SLC44A3: variants seen among roughly 807,000 people sequenced by gnomAD.
SLC44A3 encodes the protein choline transporter-like protein 3.
A neutral mutation model predicts 75.4 loss-of-function variants in SLC44A3; 74 were observed. That is an observed-to-expected ratio of 0.98 (90% CI 0.81 to 1.19). The LOEUF (loss-of-function observed/expected upper bound fraction) is 1.19, where lower values mean the gene tolerates loss of function less well. Among genes scored for constraint, SLC44A3 ranks in the 50% most tolerant of loss-of-function variants. The probability of loss-of-function intolerance (pLI) is 0.00; values close to 1 mark genes in which losing one functional copy is unlikely to be tolerated. For synonymous variants in SLC44A3, 310 were observed against 296.9 expected (o/e 1.04, Z -0.45); for missense variants, 700 against 778.6 (o/e 0.90, Z 1.20).
chr1:94,860,907 G>A (rs1370676242), intron 10 of SLC44A3, among the ~76,000 whole-genome samples: 6 of 152,240 alleles, frequency 3.9e-5, no homozygotes, highest in Admixed American at 1.3e-4. Flanking sequence ...GGCGTGGAAA[G>A]CGTCCAGTCC....
intron 12 of SLC44A3, among the ~76,000 whole-genome samples, chr1:94,886,017 C>A (rs1669546955): frequency 6.6e-6 from 1 of 152,116 alleles, no homozygotes; most frequent in Non-Finnish European, 1.5e-5. Flanking sequence ...AGCCAGAGTG[C>A]CTGGAGGAGT....
chr1:94,847,784 A>G (rs1571263562), intron 9 of SLC44A3, among the ~76,000 whole-genome samples: 1 of 152,188 alleles, frequency 6.6e-6, no homozygotes, highest in African/African-American at 2.4e-5. Context: ...TACAGGCAGG[A>G]AAATTGAGAT....
At chr1:94,843,394 C>G (rs1173298813) in intron 8 of SLC44A3, 2 of 152,240 alleles carry the variant, frequency 1.3e-5, no homozygotes, top group East Asian at 3.9e-4. Context: ...CACTCATCCT[C>G]AGAAAAGCCC....
Position 94,876,399 on chromosome 1 carries a change from G to T in SLC44A3, c.1482+8982G>T, listed in dbSNP as rs148777602. On this transcript the variant is annotated intron_variant, in intron 12 of 14. Transcript: ENST00000271227. The stretch of plus-strand genomic sequence containing the variant: ...GTCTGGAACAGTTGTTGTCCAAGGG[G>T]TCTGACTGCCCACCTTGAAGTCCAT... Among the ~76,000 whole-genome samples, 959 of 152,322 alleles carry T rather than the reference G, an allele frequency of 6.3e-3. 7 individuals carry two copies. The highest frequency in any genetic ancestry group is 8.8e-3 in the Non-Finnish European group (601 of 68,038).
intron 9 of SLC44A3, among the ~76,000 whole-genome samples, chr1:94,850,338 C>G (rs1303509194): frequency 1.3e-5 from 2 of 152,084 alleles, no homozygotes; most frequent in East Asian, 3.9e-4. Flanking sequence ...CTGTGGTAAC[C>G]TTGGTAATCT....
chr1:94,872,535 A>G (rs7531174), intron 12 of SLC44A3, among the ~76,000 whole-genome samples: 35,142 of 152,108 alleles, frequency 0.23, 4,186 homozygotes, highest in African/African-American at 0.29. Flanking sequence ...GAGAACCACC[A>G]TATCTATACC....
At chr1:94,826,023 A>C in intron 3 of SLC44A3, 1 of 441,012 alleles carries the variant, frequency 2.3e-6, no homozygotes, top group East Asian at 7.1e-5. Context: ...TGGATAATCA[A>C]AATGTGATAT....
intron 9 of SLC44A3, among the ~76,000 whole-genome samples, chr1:94,854,790 G>A (rs1665662161): frequency 6.8e-6 from 1 of 146,780 alleles, no homozygotes; most frequent in South Asian, 2.2e-4. Context: ...TTTTTGGGTT[G>A]TCGTGGCTGT....
At chr1:94,829,049 G>A (rs1175167903) in intron 5 of SLC44A3, among the ~76,000 whole-genome samples, 1 of 152,034 alleles carries the variant, frequency 6.6e-6, no homozygotes, top group Admixed American at 6.5e-5. Context: ...GACCATCCTG[G>A]CCAACGTGGT....
Position 94,825,078 on chromosome 1 carries a change from G to A in SLC44A3, c.278+443G>A, listed in dbSNP as rs370407830. Among the ~76,000 whole-genome samples, 30 of 152,110 alleles carry A rather than the reference G, an allele frequency of 2.0e-4. No individual in the cohort carries two copies. In the East Asian group the frequency reaches 3.7e-3, roughly 19 times the overall value. On this transcript the variant is annotated intron_variant, in intron 3 of 14. Transcript: ENST00000271227. ...ACATTGTTTCTACGTGGAAATACCC[G>A]AATGCCACCTGGAACACTGGGGACC...
intron 10 of SLC44A3, among the ~76,000 whole-genome samples, chr1:94,862,837 CA>C (rs1272380070): frequency 6.6e-6 from 1 of 152,160 alleles, no homozygotes; most frequent in African/African-American, 2.4e-5. Context: ...TGTTGTCCCC[CA>C]GGTCAATTCT....
intron 12 of SLC44A3, among the ~76,000 whole-genome samples, chr1:94,875,832 G>C (rs1190780690): frequency 6.6e-6 from 1 of 152,190 alleles, no homozygotes; most frequent in Non-Finnish European, 1.5e-5. Flanking sequence ...TGTAGAACAT[G>C]AAGCAAACCC....
chr1:94,829,169 G>A (rs541456183), intron 5 of SLC44A3, among the ~76,000 whole-genome samples: 1 of 152,158 alleles, frequency 6.6e-6, no homozygotes, highest in African/African-American at 2.4e-5. Context: ...TGTAGTCCCA[G>A]CTACTTGGGA....
intron 5 of SLC44A3, 60 bp from the exon 6 acceptor site, chr1:94,837,651 C>T: frequency 2.0e-6 from 3 of 1,476,100 alleles, no homozygotes; most frequent in Non-Finnish European, 2.7e-6. Context: ...GTTAAATAAA[C>T]ATCTTTTAAA....
At chr1:94,851,968 C>T (rs1207241093) in intron 9 of SLC44A3, among the ~76,000 whole-genome samples, 1 of 152,258 alleles carries the variant, frequency 6.6e-6, no homozygotes, top group Non-Finnish European at 1.5e-5. Context: ...AATATCCAGA[C>T]TTACAGCTAA....
chr1:94,876,116 C>T (rs143954321), intron 12 of SLC44A3, among the ~76,000 whole-genome samples: 6 of 152,274 alleles, frequency 3.9e-5, no homozygotes, highest in South Asian at 2.1e-4. Context: ...TGGGCTAGGC[C>T]GGGCCGGGCC....
chr1:94,848,508 C>T (rs1664754609), intron 9 of SLC44A3, among the ~76,000 whole-genome samples: 1 of 152,196 alleles, frequency 6.6e-6, no homozygotes, highest in African/African-American at 2.4e-5. Flanking sequence ...CCTCTTCCCA[C>T]CTCCTTAGGT....
chr1:94,871,702 G>A (rs1322882111), intron 12 of SLC44A3, among the ~76,000 whole-genome samples: 1 of 152,168 alleles, frequency 6.6e-6, no homozygotes, highest in African/African-American at 2.4e-5. Context: ...AAACTGATCT[G>A]AACATTCTAG....
At chr1:94,890,396 G>C (rs1670078988) in intron 12 of SLC44A3, among the ~76,000 whole-genome samples, 1 of 152,146 alleles carries the variant, frequency 6.6e-6, no homozygotes. Context: ...TTATCTGTAG[G>C]ACTCCTCTAT....
Sources: gnomAD v4.1 joint callset for allele counts (sites outside exome capture counted in the v4.1 genomes callset) on GRCh38, gnomAD v4.1.1 for gene constraint, MANE v1.5 for transcripts, NCBI Gene and HGNC (gene_info 2026-07-23, HGNC 2026-07-21) for gene names.